Variants in TSPAN8 observed in about 807,000 individuals in gnomAD.
TSPAN8 encodes the protein tetraspanin 8.
Under a neutral mutation model 32.8 loss-of-function variants are expected in TSPAN8, and 21 were observed. The ratio of observed to expected loss-of-function variants is 0.64; its 90% confidence interval spans 0.45 to 0.92. The LOEUF is 0.92. Ranked by LOEUF, TSPAN8 falls within the 40% of genes least tolerant of loss-of-function variation. The pLI is 0.00. For missense variants in TSPAN8, 269 were observed against 281.9 expected (o/e 0.95, Z 0.33); for synonymous variants, 95 against 94.6 (o/e 1.00, Z -0.03).
intron 6 of TSPAN8, among the ~76,000 whole-genome samples, chr12:71,136,820 A>C (rs1402407825): frequency 1.3e-5 from 2 of 152,186 alleles, no homozygotes; most frequent in East Asian, 3.8e-4. Flanking sequence ...CAATATCCTT[A>C]TCTGTAAAAT....
intron 7 of TSPAN8, among the ~76,000 whole-genome samples, chr12:71,130,185 C>T (rs1402284665): frequency 6.6e-6 from 1 of 152,052 alleles, no homozygotes; most frequent in Non-Finnish European, 1.5e-5. Flanking sequence ...AACTCCCGGG[C>T]TCAAGCAATC....
intron 4 of TSPAN8, 87 bp from the exon 5 acceptor site, chr12:71,138,317 C>A: frequency 8.1e-7 from 1 of 1,229,348 alleles, no homozygotes; most frequent in South Asian, 1.3e-5. Flanking sequence ...CTCTCTACAG[C>A]TGGGATTATA....
Position 71,157,760 on chromosome 12 carries a change from T to G in TSPAN8, c.-82A>C, listed in dbSNP as rs1341443411. On this transcript the variant is annotated 5_prime_UTR_variant, in exon 2 of 9. Transcript: ENST00000247829. ...GTCCTGCAATATGCTCTGGAGCAACTTGCCTGCAGAGATTTCTGTATCCAC... is the reference window on the plus strand; with the variant it reads ...GTCCTGCAATATGCTCTGGAGCAACGTGCCTGCAGAGATTTCTGTATCCAC... The G allele has an allele frequency of 2.8e-6, 3 of 1,057,338 alleles. No individual in the cohort carries two copies. The Admixed American group carries it at 5.5e-5, about 19-fold the overall frequency. The allele number at this position is 1,057,338 out of a possible 1,614,324, so 65.5% of individuals were successfully genotyped here.
At chr12:71,133,147 G>C (rs3851616) in intron 6 of TSPAN8, among the ~76,000 whole-genome samples, 1 of 151,834 alleles carries the variant, frequency 6.6e-6, no homozygotes, top group African/African-American at 2.4e-5. Context: ...GCAGTGACGC[G>C]ATCTCGGCTC....
At chr12:71,147,567 T>TAGGG (rs1565788467) in intron 2 of TSPAN8, among the ~76,000 whole-genome samples, 1 of 152,214 alleles carries the variant, frequency 6.6e-6, no homozygotes, top group African/African-American at 2.4e-5. Flanking sequence ...TCCATGATTA[T>TAGGG]AGGGAACAAG....
At chr12:71,130,595 C>T (rs1592399134) in intron 7 of TSPAN8, among the ~76,000 whole-genome samples, 1 of 151,960 alleles carries the variant, frequency 6.6e-6, no homozygotes. Context: ...CAAAGTATTG[C>T]TATTTGTTAA....
At chr12:71,142,847 C>CAACA (rs1871945318) in intron 3 of TSPAN8, among the ~76,000 whole-genome samples, 1 of 131,628 alleles carries the variant, frequency 7.6e-6, no homozygotes, top group Non-Finnish European at 1.6e-5. Flanking sequence ...AGGAAAAAAA[C>CAACA]AAAAAAAAAA....
chr12:71,151,212 A>C (rs1872244557), intron 2 of TSPAN8, among the ~76,000 whole-genome samples: 1 of 151,822 alleles, frequency 6.6e-6, no homozygotes, highest in Admixed American at 6.6e-5. Flanking sequence ...TACAGGTGTC[A>C]GCCACCACGC....
At chr12:71,153,313 C>T (rs1775931649) in intron 2 of TSPAN8, among the ~76,000 whole-genome samples, 1 of 152,190 alleles carries the variant, frequency 6.6e-6, no homozygotes, top group African/African-American at 2.4e-5. Context: ...GCAGCACCTC[C>T]AGTTCTCTAA....
rs1283506202 is a variant in TSPAN8, at chr12:71,125,205, C to T, written c.*129G>A. On this transcript the variant is annotated 3_prime_UTR_variant, in exon 9 of 9. Coordinates refer to ENST00000247829, the MANE Select transcript of TSPAN8 (RefSeq NM_004616.3). Reference sequence around the variant, plus strand: ...AATATGTCTAGAAGATATCTGTGGTCTAGCTAGCCGAGACATTTTAAAAAG... The same window carrying T: ...AATATGTCTAGAAGATATCTGTGGTTTAGCTAGCCGAGACATTTTAAAAAG... The T allele has an allele frequency of 1.4e-6, 1 of 704,774 alleles. No individual in the cohort carries two copies. Among genetic ancestry groups the T allele is most frequent in the East Asian group, 2.6e-5 (1 of 39,190 alleles). 43.7% of individuals were successfully genotyped at this position (704,774 alleles called of 1,614,324 possible). A position where few individuals can be genotyped will look rare whatever the true frequency, so the allele number is the denominator to read the frequency against.
chr12:71,130,740 G>A (rs1282849259), intron 7 of TSPAN8, among the ~76,000 whole-genome samples: 1 of 152,140 alleles, frequency 6.6e-6, no homozygotes, highest in Non-Finnish European at 1.5e-5. Flanking sequence ...TTAACAATGA[G>A]ATTAATGATT....
Position 71,132,794 on chromosome 12 carries a change from C to T in TSPAN8, c.475G>A (p.Ala159Thr). 1 of 1,613,954 alleles carries T rather than the reference C, an allele frequency of 6.2e-7. No homozygotes were observed. The highest frequency in any genetic ancestry group is 8.5e-7 in the Non-Finnish European group (1 of 1,179,950). ...FKCCGLVNGAADWGNNFQHYP... is the reference protein window; with the variant it reads ...FKCCGLVNGATDWGNNFQHYP... The stretch of plus-strand genomic sequence containing the variant: ...TGTTGAAAATTATTTCCCCAATCAG[C>T]AGCTCCATTGACCAAACCGCAGCAT... Residue 159 changes from alanine (A) to threonine (T), a missense_variant, in exon 7 of 9, where the codon GCT (alanine) becomes ACT (threonine). Coordinates refer to ENST00000247829, the MANE Select transcript of TSPAN8 (RefSeq NM_004616.3).
chr12:71,147,863 A>G (rs1194293937), intron 2 of TSPAN8, among the ~76,000 whole-genome samples: 1 of 152,166 alleles, frequency 6.6e-6, no homozygotes, highest in Admixed American at 6.5e-5. Context: ...GATCCCCTGT[A>G]TCCATGTTTT....
At chr12:71,141,143 G>A (rs1288698200) in intron 3 of TSPAN8, among the ~76,000 whole-genome samples, 1 of 152,124 alleles carries the variant, frequency 6.6e-6, no homozygotes, top group Non-Finnish European at 1.5e-5. Context: ...CAACCTAGTG[G>A]GCTCCAGTTT....
chr12:71,157,416 T>C (rs1872479034), intron 2 of TSPAN8: 1 of 493,178 alleles, frequency 2.0e-6, no homozygotes, highest in African/African-American at 2.1e-5. Flanking sequence ...CCTCACATTC[T>C]GAAGTGCACT....
intron 3 of TSPAN8, among the ~76,000 whole-genome samples, chr12:71,141,397 G>C (rs1871900477): frequency 6.6e-6 from 1 of 152,214 alleles, no homozygotes; most frequent in Non-Finnish European, 1.5e-5. Context: ...AGAAGTGTTA[G>C]GAAACTAGCT....
At chr12:71,157,909 T>C in intron 1 of TSPAN8, 21 bp downstream of exon 1, 1 of 505,824 alleles carries the variant, frequency 2.0e-6, no homozygotes, top group South Asian at 3.4e-5. Context: ...CATTTAAATA[T>C]CTCAAAGGCT....
At chr12:71,147,210 A>G (rs554346790) in intron 2 of TSPAN8, among the ~76,000 whole-genome samples, 130 of 152,318 alleles carry the variant, frequency 8.5e-4, no homozygotes, top group African/African-American at 3.0e-3. Context: ...TCAGGAAAAA[A>G]AAGGGGGCGG....
At chr12:71,137,419 T>A (rs1294896067) in intron 6 of TSPAN8, among the ~76,000 whole-genome samples, 1 of 152,118 alleles carries the variant, frequency 6.6e-6, no homozygotes, top group Non-Finnish European at 1.5e-5. Context: ...ACCAACATGG[T>A]GAGACTCTGT....
Sources: allele counts gnomAD v4.1 joint callset (sites outside exome capture counted in the v4.1 genomes callset), GRCh38; gene constraint gnomAD v4.1.1; transcripts MANE v1.5; gene names NCBI Gene and HGNC (gene_info 2026-07-23, HGNC 2026-07-21).